Variants in DOCK7 observed in about 807,000 individuals in gnomAD.
DOCK7 encodes dedicator of cytokinesis protein 7.
Under a neutral mutation model 271.0 loss-of-function variants are expected in DOCK7, and 138 were observed. The ratio of observed to expected loss-of-function variants is 0.51; its 90% confidence interval spans 0.44 to 0.59. DOCK7 has a LOEUF of 0.59. Ranked by LOEUF, DOCK7 falls within the 20% of genes least tolerant of loss-of-function variation. DOCK7 has a pLI of 0.00. For missense variants in DOCK7, 2,066 were observed against 2,592.4 expected (o/e 0.80, Z 4.41); for synonymous variants, 823 against 876.1 (o/e 0.94, Z 1.07).
chr1:62,637,217 T>C (rs926401113), intron 7 of DOCK7, among the ~76,000 whole-genome samples: 3 of 152,222 alleles, frequency 2.0e-5, no homozygotes, highest in Non-Finnish European at 4.4e-5. Context: ...ATTCTTACCA[T>C]CTTTTTTAAT....
intron 7 of DOCK7, among the ~76,000 whole-genome samples, chr1:62,636,884 C>G (rs1655341433): frequency 6.6e-6 from 1 of 152,142 alleles, no homozygotes; most frequent in African/African-American, 2.4e-5. Flanking sequence ...TTCTGAGGCA[C>G]TAATCACTTT....
chr1:62,539,301 A>C (rs1645450242), intron 27 of DOCK7, among the ~76,000 whole-genome samples: 1 of 152,188 alleles, frequency 6.6e-6, no homozygotes, highest in Admixed American at 6.5e-5. Context: ...AAGAGTCATG[A>C]GTAGGCCAGT....
chr1:62,658,067 A>G (rs1431691342), intron 2 of DOCK7, among the ~76,000 whole-genome samples: 1 of 151,996 alleles, frequency 6.6e-6, no homozygotes, highest in African/African-American at 2.4e-5. Context: ...AGACTCAAGA[A>G]GCTAAGCAAA....
intron 14 of DOCK7, chr1:62,597,632 C>G: frequency 6.2e-7 from 1 of 1,613,070 alleles, no homozygotes; most frequent in East Asian, 2.2e-5. Context: ...TTGATCAAGA[C>G]AATTCATCAT....
At chr1:62,485,199 A>G (rs1185544297) in intron 43 of DOCK7, 1 of 985,328 alleles carries the variant, frequency 1.0e-6, no homozygotes, top group Non-Finnish European at 1.2e-6. Flanking sequence ...AGGGAAAAGT[A>G]AAAATAAAAG....
In DOCK7 at chr1:62,476,149, T is replaced by TA; in HGVS notation, c.5641dup (p.Tyr1881LeufsTer11). On this transcript the variant is annotated frameshift_variant, in exon 45 of 50. Transcript: ENST00000635253. LOFTEE classifies it high-confidence loss of function. ...CACATCCTCTCCAAATCTTTCTCCG[T>TA]AAAATCCCTACAATAAAGAAAAAGA... 1 of 1,612,006 alleles carries TA rather than the reference T, an allele frequency of 6.2e-7. No individual in the cohort carries two copies. The highest frequency in any genetic ancestry group is 8.5e-7 in the Non-Finnish European group (1 of 1,179,092).
chr1:62,633,815 A>C, intron 9 of DOCK7: 1 of 418,904 alleles, frequency 2.4e-6, no homozygotes, highest in South Asian at 3.6e-5. Flanking sequence ...AAAAGCCCAC[A>C]GTTAACATCA....
chr1:62,589,012 G>C (rs1396514660), intron 14 of DOCK7, among the ~76,000 whole-genome samples: 1 of 152,136 alleles, frequency 6.6e-6, no homozygotes, highest in African/African-American at 2.4e-5. Flanking sequence ...AAAATGCTGG[G>C]ATAACAGGCA....
chr1:62,517,317 C>A (rs1310193402), intron 31 of DOCK7, among the ~76,000 whole-genome samples: 2 of 152,156 alleles, frequency 1.3e-5, no homozygotes, highest in African/African-American at 4.8e-5. Flanking sequence ...AACAAACAGG[C>A]CGGGCGCAGT....
chr1:62,646,179 A>C (rs534510725), intron 7 of DOCK7, among the ~76,000 whole-genome samples: 20 of 151,634 alleles, frequency 1.3e-4, no homozygotes, highest in Admixed American at 3.3e-4. Context: ...CAAAAAAAAA[A>C]CCCACTCATA....
chr1:62,483,205 T>TGTTG (rs1646185648), intron 43 of DOCK7: 1 of 118,502 alleles, frequency 8.4e-6, no homozygotes, highest in Non-Finnish European at 1.7e-5. Context: ...TTTTTTTTTT[T>TGTTG]TTTTTTGGGT....
At chr1:62,646,636 C>T (rs56413748) in intron 7 of DOCK7, among the ~76,000 whole-genome samples, 2,137 of 152,324 alleles carry the variant, frequency 0.014, 28 homozygotes, top group Non-Finnish European at 0.024. Context: ...GAGAGAGATG[C>T]CTCATGAGAA....
At chr1:62,622,947 C>CCT (rs1653469931) in intron 12 of DOCK7, among the ~76,000 whole-genome samples, 1 of 151,804 alleles carries the variant, frequency 6.6e-6, no homozygotes, top group East Asian at 1.9e-4. Context: ...AAAACAAAAA[C>CCT]AAAAAACCCA....
At chr1:62,518,237 A>C (rs1259657145) in intron 31 of DOCK7, among the ~76,000 whole-genome samples, 1 of 151,682 alleles carries the variant, frequency 6.6e-6, no homozygotes, top group East Asian at 1.9e-4. Context: ...GGAGTTCAAG[A>C]TCAGCCTGGC....
intron 2 of DOCK7, among the ~76,000 whole-genome samples, chr1:62,654,552 C>T (rs1193897340): frequency 6.6e-6 from 1 of 151,920 alleles, no homozygotes; most frequent in East Asian, 1.9e-4. Context: ...TACTTTATTT[C>T]TTGTTTTTGT....
chr1:62,486,074 A>G (rs1646283304), intron 43 of DOCK7: 1 of 152,126 alleles, frequency 6.6e-6, no homozygotes, highest in African/African-American at 2.4e-5. Flanking sequence ...TTTTCAACTA[A>G]TTCTATTTAA....
At chr1:62,647,369 T>C (rs1205000729) in intron 7 of DOCK7, among the ~76,000 whole-genome samples, 1 of 152,172 alleles carries the variant, frequency 6.6e-6, no homozygotes, top group Non-Finnish European at 1.5e-5. Flanking sequence ...GCTTCATATA[T>C]ATCTTAGGCT....
intron 1 of DOCK7, among the ~76,000 whole-genome samples, chr1:62,678,593 T>C (rs1282343869): frequency 6.6e-6 from 1 of 152,200 alleles, no homozygotes; most frequent in African/African-American, 2.4e-5. Context: ...ATAGATTCAA[T>C]GCAATCCCAA....
chr1:62,559,696 T>A (rs1646260757), intron 19 of DOCK7, among the ~76,000 whole-genome samples: 1 of 152,154 alleles, frequency 6.6e-6, no homozygotes, highest in South Asian at 2.1e-4. Context: ...AGGTGCTGTA[T>A]CTTCTTCTTT....
Sources: allele counts gnomAD v4.1 joint callset (sites outside exome capture counted in the v4.1 genomes callset), GRCh38; gene constraint gnomAD v4.1.1; transcripts MANE v1.5; gene names NCBI Gene and HGNC (gene_info 2026-07-23, HGNC 2026-07-21).